The following ARL15 variants were observed in gnomAD, a reference collection of about 807,000 sequenced individuals.
The protein encoded by ARL15 is ARF like GTPase 15, also known as ADP-ribosylation factor-like protein 15.
Under a neutral mutation model 25.2 loss-of-function variants are expected in ARL15, and 19 were observed. The observed-to-expected ratio is 0.75, with a 90% CI of 0.53 to 1.10. The LOEUF is 1.10. ARL15 is among the 50% of genes least tolerant of loss of function. The probability of loss-of-function intolerance (pLI) is 0.00; values close to 1 mark genes in which losing one functional copy is unlikely to be tolerated. For synonymous variants in ARL15, 94 were observed against 86.8 expected (o/e 1.08, Z -0.46); for missense variants, 220 against 246.0 (o/e 0.89, Z 0.71).
chr5:54,292,276 G>A (rs544158067), intron 1 of ARL15, among the ~76,000 whole-genome samples: 3 of 149,262 alleles, frequency 2.0e-5, no homozygotes, highest in African/African-American at 7.3e-5. Context: ...GTGCACACTG[G>A]CCCTTCTTTA....
intron 4 of ARL15, among the ~76,000 whole-genome samples, chr5:54,057,191 G>A (rs1269665949): frequency 1.3e-5 from 2 of 152,120 alleles, no homozygotes; most frequent in Non-Finnish European, 2.9e-5. Context: ...GGATATTTAG[G>A]AATAAAAGAT....
At chr5:54,002,850 T>G (rs1254164860) in intron 4 of ARL15, among the ~76,000 whole-genome samples, 1 of 152,224 alleles carries the variant, frequency 6.6e-6, no homozygotes, top group Non-Finnish European at 1.5e-5. Context: ...TGCTAATGAT[T>G]CTGTGTATCT....
intron 4 of ARL15, among the ~76,000 whole-genome samples, chr5:54,096,895 G>A (rs1752305360): frequency 6.6e-6 from 1 of 152,090 alleles, no homozygotes; most frequent in African/African-American, 2.4e-5. Flanking sequence ...TCTATTTAAT[G>A]TTGAACAAAA....
intron 1 of ARL15, among the ~76,000 whole-genome samples, chr5:54,305,610 T>A (rs1758736065): frequency 6.6e-6 from 1 of 152,204 alleles, no homozygotes; most frequent in African/African-American, 2.4e-5. Flanking sequence ...CAGAGCACAC[T>A]ATATTTTTTC....
At chr5:54,272,784 T>A (rs1001775598) in intron 1 of ARL15, among the ~76,000 whole-genome samples, 1 of 152,228 alleles carries the variant, frequency 6.6e-6, no homozygotes, top group African/African-American at 2.4e-5. Context: ...TTTTTTCCTA[T>A]ATGAAGTTAA....
intron 3 of ARL15, among the ~76,000 whole-genome samples, chr5:54,140,413 TAGAC>T (rs1329344762): frequency 4.9e-4 from 66 of 134,958 alleles, no homozygotes; most frequent in South Asian, 3.3e-3. Flanking sequence ...CGTGTGTGGA[TAGAC>T]AGATAGATAG....
At chr5:54,056,626 TA>T (rs34643850) in intron 4 of ARL15, among the ~76,000 whole-genome samples, 39,779 of 112,524 alleles carry the variant, frequency 0.35, 7,338 homozygotes, top group African/African-American at 0.59. Flanking sequence ...TAAAACTGTC[TA>T]AAAAAAAAAA....
chr5:53,931,404 A>T (rs1274919129), intron 4 of ARL15, among the ~76,000 whole-genome samples: 1 of 152,240 alleles, frequency 6.6e-6, no homozygotes, highest in Non-Finnish European at 1.5e-5. Context: ...AGATTTAAGG[A>T]AAAATTAAGT....
intron 1 of ARL15, among the ~76,000 whole-genome samples, chr5:54,258,420 C>T (rs1231419030): frequency 6.6e-6 from 1 of 152,094 alleles, no homozygotes; most frequent in Non-Finnish European, 1.5e-5. Flanking sequence ...CTGTCTAGCC[C>T]CATTTTTTTA....
At chr5:54,146,617 G>A (rs1479671745) in intron 3 of ARL15, among the ~76,000 whole-genome samples, 2 of 152,150 alleles carry the variant, frequency 1.3e-5, no homozygotes, top group Non-Finnish European at 2.9e-5. Context: ...TGAGGGATAG[G>A]AAGTTAAACT....
chr5:54,052,195 T>C (rs535300632), intron 4 of ARL15, among the ~76,000 whole-genome samples: 1 of 152,212 alleles, frequency 6.6e-6, no homozygotes, highest in Admixed American at 6.5e-5. Flanking sequence ...TGTATGGTAC[T>C]CTAAAAGTAG....
chr5:54,051,443 C>G (rs1436002002), intron 4 of ARL15, among the ~76,000 whole-genome samples: 1 of 152,124 alleles, frequency 6.6e-6, no homozygotes, highest in Non-Finnish European at 1.5e-5. Flanking sequence ...CTATTTGATA[C>G]ATACAAAAGA....
At chr5:54,137,323 T>G (rs1453372946) in intron 3 of ARL15, among the ~76,000 whole-genome samples, 1 of 152,150 alleles carries the variant, frequency 6.6e-6, no homozygotes, top group East Asian at 1.9e-4. Context: ...TGGACGAGAT[T>G]CCCAGCGATG....
intron 1 of ARL15, among the ~76,000 whole-genome samples, chr5:54,248,377 C>CA (rs1309512187): frequency 3.9e-5 from 6 of 152,206 alleles, no homozygotes; most frequent in Admixed American, 3.9e-4. Flanking sequence ...CACTCTCCTG[C>CA]AACCATAGTT....
chr5:54,185,198 T>A (rs1755203084), intron 1 of ARL15, among the ~76,000 whole-genome samples: 1 of 152,156 alleles, frequency 6.6e-6, no homozygotes, highest in Admixed American at 6.5e-5. Flanking sequence ...CCTATGCACC[T>A]CCATGCAGTT....
At chr5:53,982,048 C>G (rs1246802564) in intron 4 of ARL15, among the ~76,000 whole-genome samples, 1 of 152,040 alleles carries the variant, frequency 6.6e-6, no homozygotes. Context: ...AGAGAGAACA[C>G]TAAGGAGGAG....
intron 4 of ARL15, among the ~76,000 whole-genome samples, chr5:53,991,977 C>G (rs535730036): frequency 1.3e-5 from 2 of 152,268 alleles, no homozygotes; most frequent in Admixed American, 1.3e-4. Flanking sequence ...CTAAAGTATG[C>G]GTACACCTTT....
chr5:54,077,587 A>G (rs1298865056), intron 4 of ARL15, among the ~76,000 whole-genome samples: 2 of 152,168 alleles, frequency 1.3e-5, no homozygotes, highest in African/African-American at 2.4e-5. Context: ...TTCTAAGGGG[A>G]AAAATGTTCA....
intron 4 of ARL15, among the ~76,000 whole-genome samples, chr5:53,941,818 T>C (rs1746548627): frequency 6.6e-6 from 1 of 151,704 alleles, no homozygotes; most frequent in African/African-American, 2.4e-5. Flanking sequence ...CTCCACCTAA[T>C]AGAGGGCCCA....
Sources: allele counts gnomAD v4.1 joint callset (sites outside exome capture counted in the v4.1 genomes callset), GRCh38; gene constraint gnomAD v4.1.1; transcripts MANE v1.5; gene names NCBI Gene and HGNC (gene_info 2026-07-23, HGNC 2026-07-21).